Variants in HEBP1 observed in about 807,000 individuals in gnomAD.
HEBP1 encodes heme binding protein 1, also known as heme-binding protein 1.
Under a neutral mutation model 20.4 loss-of-function variants are expected in HEBP1, and 13 were observed. The observed-to-expected ratio is 0.64, with a 90% confidence interval of 0.42 to 1.01. The LOEUF is 1.01. Among genes scored for constraint, HEBP1 ranks in the 50% least tolerant of loss-of-function variants. The pLI is 0.00. For missense variants in HEBP1, 241 were observed against 247.3 expected, an observed-to-expected ratio of 0.97 and a Z score of 0.17; for synonymous variants, 92 against 90.7, an observed-to-expected ratio of 1.01 and a Z score of -0.08.
intron 3 of HEBP1, chr12:12,979,305 A>G (rs1399169307): frequency 1.3e-5 from 2 of 152,236 alleles, no homozygotes; most frequent in Non-Finnish European, 2.9e-5. Flanking sequence ...TGCAGATAAA[A>G]TTTTCCCTAT....
intron 3 of HEBP1, among the ~76,000 whole-genome samples, chr12:12,978,753 TAGA>T (rs889883537): frequency 6.6e-6 from 1 of 151,762 alleles, no homozygotes; most frequent in Non-Finnish European, 1.5e-5. Flanking sequence ...AGCCTCTGGG[TAGA>T]AGAAGATGCC....
intron 1 of HEBP1, among the ~76,000 whole-genome samples, chr12:12,999,640 T>G (rs1864330129): frequency 6.6e-6 from 1 of 152,264 alleles, no homozygotes; most frequent in Non-Finnish European, 1.5e-5. Flanking sequence ...GGGGCTACTA[T>G]CCGCAGTTCT....
intron 3 of HEBP1, among the ~76,000 whole-genome samples, chr12:12,982,819 A>C (rs1864103492): frequency 6.6e-6 from 1 of 152,240 alleles, no homozygotes; most frequent in African/African-American, 2.4e-5. Context: ...AATTCTAATA[A>C]AACTTGATCA....
chr12:12,975,584 T>G, intron 3 of HEBP1, 105 bp from the exon 4 acceptor site: 1 of 984,372 alleles, frequency 1.0e-6, no homozygotes, highest in Non-Finnish European at 1.5e-6. Context: ...ACAAGCATGC[T>G]AGAGTGGTAA....
intron 1 of HEBP1, among the ~76,000 whole-genome samples, chr12:12,993,643 T>C (rs1864256108): frequency 6.6e-6 from 1 of 152,202 alleles, no homozygotes; most frequent in African/African-American, 2.4e-5. Flanking sequence ...GAAGTCATTT[T>C]ACGCAGTTAC....
intron 3 of HEBP1, among the ~76,000 whole-genome samples, chr12:12,976,290 A>T (rs1407784366): frequency 2.0e-5 from 3 of 152,154 alleles, no homozygotes; most frequent in Non-Finnish European, 4.4e-5. Context: ...ACTGTTCCTA[A>T]ATCTGGTATT....
At chr12:12,977,365 G>C (rs1052863213) in intron 3 of HEBP1, 1 of 152,252 alleles carries the variant, frequency 6.6e-6, no homozygotes, top group Non-Finnish European at 1.5e-5. Context: ...TTGCTCAGAA[G>C]AGCCTTTTAA....
chr12:13,000,038 T>C lies in HEBP1; in HGVS notation c.77A>G (p.Lys26Arg). The stretch of plus-strand genomic sequence containing the variant: ...TCCTCGGCAGCCCTGCGGGCCTACC[T>C]TGTCCCCTTTGCTTAGGACCTGCCA... Reference protein sequence around the residue: ...WPWQVLSKGDKEEVAYEERAC... With the variant: ...WPWQVLSKGDREEVAYEERAC... Residue 26 changes from lysine (K) to arginine (R), a missense_variant and splice_region_variant, in exon 1 of 4, where the codon AAG becomes AGG. Lys to Arg is a conservative substitution (Grantham distance 26). Coordinates refer to ENST00000014930, the MANE Select transcript of HEBP1 (RefSeq NM_015987.5). 6.2e-7 allele frequency: 1 copy of C among 1,609,056 alleles called. No homozygotes were observed. Among genetic ancestry groups the C allele is most frequent in the Non-Finnish European group, 8.5e-7 (1 of 1,176,632 alleles).
intron 2 of HEBP1, among the ~76,000 whole-genome samples, chr12:12,987,612 T>TTTCTCTCTCTCTCTCTCTCTCTCTTTCTC (rs1555114947): frequency 2.5e-5 from 3 of 117,784 alleles, no homozygotes; most frequent in Non-Finnish European, 5.2e-5. Flanking sequence ...CTCTCTCTCT[T>TTTCTCTCTCTCTCTCTCTCTCTCTTTCTC]TCTCTCTCTC....
intron 1 of HEBP1, among the ~76,000 whole-genome samples, chr12:12,991,246 G>C (rs1462989311): frequency 6.6e-6 from 1 of 152,196 alleles, no homozygotes; most frequent in South Asian, 2.1e-4. Context: ...TTTTATTGCT[G>C]TATTGCTATT....
intron 1 of HEBP1, among the ~76,000 whole-genome samples, chr12:12,999,771 A>C (rs1235740360): frequency 6.6e-6 from 1 of 152,256 alleles, no homozygotes. Flanking sequence ...GGCAGTGCCC[A>C]ACTCCCCAAG....
chr12:12,975,595 G>T, intron 3 of HEBP1, 116 bp from the exon 4 acceptor site: 1 of 823,012 alleles, frequency 1.2e-6, no homozygotes, highest in Non-Finnish European at 1.8e-6. Flanking sequence ...AGAGTGGTAA[G>T]ACTGGGGACT....
rs930302469 is a variant in HEBP1, at chr12:12,975,341, T to C, written c.537A>G (p.Gly179=). ...TGYDPPMKPY[G]RRNEIWLLKT is the part of the protein sequence containing the mutation. ...TCAACAGCCAGATCTCATTGCGCCG[T>C]CCGTAGGGCTTCATGGGAGGGTCAT... Residue 179 remains glycine (G), a synonymous_variant, in exon 4 of 4, where the codon GGA becomes GGG. Transcript: ENST00000014930. 6.8e-6 allele frequency: 11 copies of C among 1,613,888 alleles called. No homozygotes were observed. The highest frequency in any genetic ancestry group is 1.3e-5 in the African/African-American group (1 of 74,900).
chr12:12,999,410 G>A (rs1330671511), intron 1 of HEBP1, among the ~76,000 whole-genome samples: 3 of 152,174 alleles, frequency 2.0e-5, no homozygotes, highest in East Asian at 3.8e-4. Context: ...CGCCACGGTC[G>A]ATCCGATCAC....
At chr12:12,999,817 A>AC (rs986018091) in intron 1 of HEBP1, among the ~76,000 whole-genome samples, 5 of 151,902 alleles carry the variant, frequency 3.3e-5, no homozygotes, top group African/African-American at 7.3e-5. Flanking sequence ...TCTCCTGTTT[A>AC]CCCCCCTCCT....
chr12:13,000,181 G>C lies in HEBP1; in HGVS notation c.-67C>G. On this transcript the variant is annotated 5_prime_UTR_variant, in exon 1 of 4. Transcript: ENST00000014930. The stretch of plus-strand genomic sequence containing the variant: ...TGGCGGGGGCGACGGAGCACCACGG[G>C]CAGCGACCACCGGCGGCAGGGCGGC... 1 of 1,039,678 alleles carries C rather than the reference G, an allele frequency of 9.6e-7. No homozygotes were observed. The highest frequency in any genetic ancestry group is 1.4e-6 in the Non-Finnish European group (1 of 713,218). The allele number at this position is 1,039,678 out of a possible 1,614,324, so 64.4% of individuals were successfully genotyped here.
chr12:12,982,102 TGTC>T, intron 3 of HEBP1, among the ~76,000 whole-genome samples: 1 of 152,318 alleles, frequency 6.6e-6, no homozygotes, highest in African/African-American at 2.4e-5. Context: ...GAATTACAGA[TGTC>T]AGCCACTGTG....
At chr12:12,978,060 A>C (rs1864018569) in intron 3 of HEBP1, among the ~76,000 whole-genome samples, 1 of 152,176 alleles carries the variant, frequency 6.6e-6, no homozygotes, top group Non-Finnish European at 1.5e-5. Context: ...TCACTCATTC[A>C]CATAATAAAC....
At chr12:12,993,301 A>G (rs1233251778) in intron 1 of HEBP1, among the ~76,000 whole-genome samples, 1 of 151,774 alleles carries the variant, frequency 6.6e-6, no homozygotes, top group African/African-American at 2.4e-5. Flanking sequence ...CATCCTCCTA[A>G]GTAGCTGGGA....
Sources: gnomAD v4.1 joint callset for allele counts (sites outside exome capture counted in the v4.1 genomes callset) on GRCh38, gnomAD v4.1.1 for gene constraint, MANE v1.5 for transcripts, NCBI Gene and HGNC (gene_info 2026-07-23, HGNC 2026-07-21) for gene names.